The following TAB1 variants were observed in gnomAD, a reference collection of about 807,000 sequenced individuals.
TAB1 encodes the protein TGF-beta-activated kinase 1 and MAP3K7-binding protein 1.
A neutral mutation model predicts 54.5 loss-of-function variants in TAB1; 30 were observed. The observed-to-expected ratio is 0.55, with a 90% confidence interval of 0.41 to 0.75. The LOEUF is 0.75. Among genes scored for constraint, TAB1 ranks in the 30% least tolerant of loss-of-function variants. The pLI, the probability that TAB1 is intolerant of heterozygous loss-of-function variation, is 0.00. For missense variants in TAB1, 609 were observed against 683.2 expected (o/e 0.89, Z 1.21); for synonymous variants, 289 against 286.9 (o/e 1.01, Z -0.07).
chr22:39,427,016 A>G (rs1304228099), intron 9 of TAB1, 91 bp downstream of exon 9: 4 of 1,297,158 alleles, frequency 3.1e-6, no homozygotes, highest in East Asian at 2.5e-5. Flanking sequence ...TGAAACGGAG[A>G]TGGAGTCAGG....
chr22:39,435,774 G>A (rs1927759409), downstream of TAB1, among the ~76,000 whole-genome samples: 1 of 152,126 alleles, frequency 6.6e-6, no homozygotes, highest in Non-Finnish European at 1.5e-5. Context: ...CATGAAGAGG[G>A]GGTGGTAGTG....
chr22:39,414,358 GT>G (rs761440443), intron 1 of TAB1, among the ~76,000 whole-genome samples: 26 of 152,308 alleles, frequency 1.7e-4, no homozygotes, highest in Non-Finnish European at 3.2e-4. Context: ...GGACATCGGG[GT>G]GGCATGAGGA....
intron 6 of TAB1, among the ~76,000 whole-genome samples, chr22:39,419,074 C>T (rs756169784): frequency 2.6e-5 from 4 of 152,200 alleles, no homozygotes; most frequent in Non-Finnish European, 4.4e-5. Context: ...TAACCTACCT[C>T]GGGATGCTAG....
intron 1 of TAB1, among the ~76,000 whole-genome samples, chr22:39,413,972 A>G (rs1926718367): frequency 6.6e-6 from 1 of 152,218 alleles, no homozygotes; most frequent in South Asian, 2.1e-4. Context: ...TGGGAAATTC[A>G]GAAATTGTGT....
downstream of TAB1, among the ~76,000 whole-genome samples, chr22:39,435,445 C>T (rs180921948): frequency 6.2e-4 from 94 of 152,258 alleles, no homozygotes; most frequent in African/African-American, 2.1e-3. Context: ...CCTTCACTCC[C>T]GCGGCCCTCA....
intron 9 of TAB1, among the ~76,000 whole-genome samples, chr22:39,427,568 C>T (rs1435439885): frequency 6.6e-6 from 1 of 152,236 alleles, no homozygotes; most frequent in East Asian, 1.9e-4. Flanking sequence ...TTTTTCTTTG[C>T]TTTAAACAAG....
At chr22:39,403,471 G>C (rs991400051) in intron 1 of TAB1, among the ~76,000 whole-genome samples, 3 of 152,166 alleles carry the variant, frequency 2.0e-5, no homozygotes, top group African/African-American at 7.2e-5. Context: ...GGAGTGCCTT[G>C]GGGGAGCTTG....
chr22:39,417,859 C>A lies in TAB1; in HGVS notation c.550+10C>A, dbSNP rs753390200. On this transcript the variant is annotated intron_variant, in intron 5 of 10. Coordinates refer to ENST00000216160, the MANE Select transcript of TAB1 (RefSeq NM_006116.3). Reference sequence around the variant, plus strand: ...TACGTCGCCAATGTCGGTGAGCCCCCTCCTGTCCCAGGGCAGGGAGGACTG... The same window carrying A: ...TACGTCGCCAATGTCGGTGAGCCCCATCCTGTCCCAGGGCAGGGAGGACTG... 4 of 1,597,846 alleles carry A rather than the reference C, an allele frequency of 2.5e-6. No individual in the cohort carries two copies. The highest frequency in any genetic ancestry group is 4.5e-5 in the East Asian group (2 of 44,206).
In TAB1 at chr22:39,431,347, G is replaced by A; in HGVS notation, c.*1125G>A. 1 of 985,574 alleles carries A rather than the reference G, an allele frequency of 1.0e-6. No individual in the cohort carries two copies. Among genetic ancestry groups the A allele is most frequent in the Non-Finnish European group, 1.2e-6 (1 of 830,052 alleles). The allele number at this position is 985,574 out of a possible 1,614,324, so 61.1% of individuals were successfully genotyped here. On this transcript the variant is annotated 3_prime_UTR_variant, in exon 11 of 11. Coordinates refer to ENST00000216160, the MANE Select transcript of TAB1 (RefSeq NM_006116.3). ...TGCCACTCCTGTTTCAGAGGAAGCAGGCCGAGAGACTTGCACCTTGGCCAA... is the reference window on the plus strand; with the variant it reads ...TGCCACTCCTGTTTCAGAGGAAGCAAGCCGAGAGACTTGCACCTTGGCCAA...
chr22:39,402,860 G>A lies in TAB1; in HGVS notation c.33+3025G>A, dbSNP rs34203211. On this transcript the variant is annotated intron_variant, in intron 1 of 10. Coordinates refer to ENST00000216160, the MANE Select transcript of TAB1 (RefSeq NM_006116.3). ...AGCCACTGTGCCCGGCCACAAAGAG[G>A]TTCTAAGGAGAGCTTGATGTGTTCA... Among the ~76,000 whole-genome samples, 377 of 152,300 alleles carry A rather than the reference G, an allele frequency of 2.5e-3. 4 individuals are homozygous for A. Among genetic ancestry groups the A allele is most frequent in the African/African-American group, 7.6e-3 (315 of 41,560 alleles).
chr22:39,428,591 T>G (rs542350594), intron 10 of TAB1, among the ~76,000 whole-genome samples: 2 of 152,220 alleles, frequency 1.3e-5, no homozygotes, highest in Non-Finnish European at 2.9e-5. Context: ...TTCTCTGGTT[T>G]TGGGGCAGGG....
intron 8 of TAB1, among the ~76,000 whole-genome samples, chr22:39,424,609 G>A (rs1471675608): frequency 1.3e-5 from 2 of 151,766 alleles, no homozygotes; most frequent in Non-Finnish European, 2.9e-5. Flanking sequence ...CACCACACCC[G>A]GCTAATTTTT....
intron 1 of TAB1, among the ~76,000 whole-genome samples, chr22:39,406,850 G>A (rs933095885): frequency 1.3e-5 from 2 of 152,106 alleles, no homozygotes; most frequent in Non-Finnish European, 2.9e-5. Flanking sequence ...AGCCAGGATG[G>A]TCTCAATCTC....
At chr22:39,408,492 T>C (rs1320658488) in intron 1 of TAB1, among the ~76,000 whole-genome samples, 2 of 152,080 alleles carry the variant, frequency 1.3e-5, no homozygotes, top group Non-Finnish European at 2.9e-5. Context: ...TTCACTGGCG[T>C]TTTTTGTTTT....
chr22:39,426,267 T>A (rs1927330613), intron 8 of TAB1, among the ~76,000 whole-genome samples: 1 of 152,248 alleles, frequency 6.6e-6, no homozygotes, highest in Non-Finnish European at 1.5e-5. Flanking sequence ...AGGGACCCTG[T>A]TTTCATTCTG....
intron 1 of TAB1, among the ~76,000 whole-genome samples, chr22:39,412,612 G>A (rs763521041): frequency 3.9e-4 from 59 of 152,182 alleles, no homozygotes; most frequent in Admixed American, 6.5e-4. Flanking sequence ...ATAGATAAAA[G>A]CAGAATAAAA....
Position 39,417,714 on chromosome 22 carries a change from G to A in TAB1, c.415G>A (p.Val139Ile). Residue 139 changes from valine (V) to isoleucine (I), a missense_variant, in exon 5 of 11, where the codon GTC becomes ATC. Transcript: ENST00000216160. ...GACCCTCTGTTGATGGTTGTAGGGA[G>A]TCCCTCAGCACCAGCTGCCTCCTCA... ...ASLQSQLPEGVPQHQLPPQYQ... is the reference protein window; with the variant it reads ...ASLQSQLPEGIPQHQLPPQYQ... 1.2e-6 allele frequency: 2 copies of A among 1,608,604 alleles called. No individual in the cohort carries two copies. The highest frequency in any genetic ancestry group is 2.2e-5 in the South Asian group (2 of 89,988).
At position 39,425,585 on chromosome 22, in the gene TAB1, C is replaced by T. The variant is rs1402025563; in HGVS notation, c.922-1118C>T. Among the ~76,000 whole-genome samples the T allele has an allele frequency of 4.0e-5, 6 of 150,566 alleles. No homozygotes were observed. The South Asian group carries it at 8.4e-4, about 21-fold the overall frequency. On this transcript the variant is annotated intron_variant, in intron 8 of 10. Coordinates refer to ENST00000216160, the MANE Select transcript of TAB1 (RefSeq NM_006116.3). ...TTTTTTTTTTTTTGAGATGGAGTCT[C>T]GCTCTGTCACCCAGGCTGGAGTGCA...
chr22:39,404,032 G>A (rs1169936680), intron 1 of TAB1, among the ~76,000 whole-genome samples: 1 of 152,238 alleles, frequency 6.6e-6, no homozygotes, highest in Non-Finnish European at 1.5e-5. Context: ...GCGAGAAGGT[G>A]TCTTGGCCAT....
Sources: allele counts gnomAD v4.1 joint callset (sites outside exome capture counted in the v4.1 genomes callset), GRCh38; gene constraint gnomAD v4.1.1; transcripts MANE v1.5; gene names NCBI Gene and HGNC (gene_info 2026-07-23, HGNC 2026-07-21).